Variants in CLIP1 observed in about 807,000 individuals in gnomAD.
CLIP1 encodes the protein CAP-Gly domain containing linker protein 1.
Under a neutral mutation model 161.6 loss-of-function variants are expected in CLIP1, and 66 were observed. That is an observed-to-expected ratio of 0.41 (90% CI 0.33 to 0.50). CLIP1 has a LOEUF of 0.50. CLIP1 is among the 20% of genes least tolerant of loss of function. The probability of loss-of-function intolerance (pLI) is 0.27; values close to 1 mark genes in which losing one functional copy is unlikely to be tolerated. For missense variants in CLIP1, 1,376 were observed against 1,702.0 expected (o/e 0.81, Z 3.37); for synonymous variants, 598 against 626.2 (o/e 0.96, Z 0.67).
At chr12:122,273,723 A>G (rs1314779166) in intron 25 of CLIP1, among the ~76,000 whole-genome samples, 2 of 151,900 alleles carry the variant, frequency 1.3e-5, no homozygotes, top group Non-Finnish European at 2.9e-5. Context: ...TGATGAAACT[A>G]AGGTTCCAAT....
At chr12:122,351,642 CA>C (rs1197082017) in intron 8 of CLIP1, among the ~76,000 whole-genome samples, 1 of 152,028 alleles carries the variant, frequency 6.6e-6, no homozygotes, top group Non-Finnish European at 1.5e-5. Context: ...AAAATTGTAG[CA>C]AAACTGCATA....
chr12:122,347,183 T>C (rs1209141426), intron 10 of CLIP1, among the ~76,000 whole-genome samples, 192 bp downstream of exon 10: 1 of 152,200 alleles, frequency 6.6e-6, no homozygotes, highest in Non-Finnish European at 1.5e-5. Context: ...AGTCTTTACT[T>C]TTGACAAAAG....
rs138029475 is a variant in CLIP1, at chr12:122,395,118, A to C, written c.-106-14560T>G. On this transcript the variant is annotated intron_variant, in intron 1 of 25. Transcript: ENST00000620786. ...AAACTGTTACTTTTTCACAGAAGAA[A>C]AAACTTTATGTTTATTTGCAGAAAA... Among the ~76,000 whole-genome samples the C allele has an allele frequency of 5.5e-3, 839 of 152,344 alleles. 5 individuals are homozygous for C. Among genetic ancestry groups the C allele is most frequent in the Admixed American group, 0.017 (262 of 15,284 alleles).
intron 3 of CLIP1, among the ~76,000 whole-genome samples, chr12:122,372,602 AC>A (rs1452663140): frequency 6.6e-6 from 1 of 151,938 alleles, no homozygotes; most frequent in Non-Finnish European, 1.5e-5. Flanking sequence ...AAAAAAAAAA[AC>A]AAAACTAAAA....
chr12:122,365,008 T>TCTC (rs112564325), intron 3 of CLIP1: 13,975 of 400,508 alleles, frequency 0.035, 1,693 homozygotes, highest in African/African-American at 0.27. Flanking sequence ...CACCGCATGT[T>TCTC]CTCACTCATA....
chr12:122,278,845 T>C lies in CLIP1; in HGVS notation c.3863A>G (p.Lys1288Arg), dbSNP rs1955535635. 1 of 1,612,032 alleles carries C rather than the reference T, an allele frequency of 6.2e-7. No homozygotes were observed. Among genetic ancestry groups the C allele is most frequent in the Non-Finnish European group, 8.5e-7 (1 of 1,179,412 alleles). ...TTCTTTGAGTTGAAGCTCCAAGTTC[T>C]TTACCTTGAGCTCGAGCTTCACCTT... ...SDKVKLELKVKNLELQLKENK... is the reference protein window; with the variant it reads ...SDKVKLELKVRNLELQLKENK... Residue 1288 changes from lysine to arginine, a missense_variant, in exon 23 of 26, where the codon AAG becomes AGG. By Grantham distance (26) the Lys-to-Arg change is conservative. Around this residue, in one of 6 missense-constraint regions of CLIP1, gnomAD observed 948 missense variants for 1,134.8 expected, o/e 0.84. Coordinates refer to ENST00000620786, the MANE Select transcript of CLIP1 (RefSeq NM_001247997.2).
At chr12:122,329,685 G>T (rs999386070) in intron 15 of CLIP1, among the ~76,000 whole-genome samples, 1 of 149,868 alleles carries the variant, frequency 6.7e-6, no homozygotes, top group East Asian at 1.9e-4. Flanking sequence ...TAAAGGAAAT[G>T]AATGTTTCAA....
intron 17 of CLIP1, among the ~76,000 whole-genome samples, chr12:122,324,938 A>T (rs1336987486): frequency 2.0e-5 from 3 of 152,112 alleles, no homozygotes; most frequent in African/African-American, 7.2e-5. Context: ...CTACAGCCTA[A>T]TTTCTAGGCT....
chr12:122,285,181 A>G (rs1425687848), intron 21 of CLIP1, among the ~76,000 whole-genome samples: 1 of 151,866 alleles, frequency 6.6e-6, no homozygotes, highest in Non-Finnish European at 1.5e-5. Context: ...AGATTAGATC[A>G]ATTTGTGAAT....
chr12:122,299,612 C>CAAAAA lies in CLIP1; in HGVS notation c.3594+10145_3594+10149dup, dbSNP rs71082962. 5.2e-3 allele frequency among the ~76,000 whole-genome samples: 325 copies of CAAAAA among 62,488 alleles called. 22 individuals carry two copies. Among genetic ancestry groups the CAAAAA allele is most frequent in the African/African-American group, 0.021 (296 of 14,322 alleles). The allele number at this position is 62,488 out of a possible 152,430, so 41.0% of individuals were successfully genotyped here. On this transcript the variant is annotated intron_variant, in intron 20 of 25. Transcript: ENST00000620786. ...TTTTGTTTTTAAAGAATAAATTCAG[C>CAAAAA]AAAAAAAAAAAAAAAAAAAAGATGC...
chr12:122,362,545 G>A (rs1953902761), intron 4 of CLIP1, among the ~76,000 whole-genome samples: 1 of 138,072 alleles, frequency 7.2e-6, no homozygotes, highest in African/African-American at 2.7e-5. Flanking sequence ...GGAGGCTGAA[G>A]CAGGAGAATC....
At chr12:122,359,300 G>A (rs568948062) in intron 5 of CLIP1, among the ~76,000 whole-genome samples, 1 of 152,282 alleles carries the variant, frequency 6.6e-6, no homozygotes, top group African/African-American at 2.4e-5. Flanking sequence ...ACTGAATGAG[G>A]TGAGCTAAGA....
chr12:122,340,244 C>T (rs1304020826), intron 11 of CLIP1, among the ~76,000 whole-genome samples: 1 of 152,010 alleles, frequency 6.6e-6, no homozygotes. Flanking sequence ...CCATGCCAGG[C>T]TAATTTTGTA....
At chr12:122,360,751 T>G in intron 5 of CLIP1, 1 of 525,064 alleles carries the variant, frequency 1.9e-6, no homozygotes, top group East Asian at 3.0e-5. Context: ...TGAAAGGGAC[T>G]ATTAAAAGCA....
In CLIP1 at chr12:122,371,909, A is replaced by G. The variant is rs551212136; in HGVS notation, c.657+5480T>C. Among the ~76,000 whole-genome samples, 5 of 152,356 alleles carry G rather than the reference A, an allele frequency of 3.3e-5. No individual in the cohort carries two copies. In the South Asian group the frequency reaches 8.3e-4, roughly 25 times the overall value. Reference sequence around the variant, plus strand: ...TAACGCAGCTTCTCTGCAGCAGCATAAGGGGCCATGTATTTCCCTCCTGGA... The same window carrying G: ...TAACGCAGCTTCTCTGCAGCAGCATGAGGGGCCATGTATTTCCCTCCTGGA... On this transcript the variant is annotated intron_variant, in intron 3 of 25. Transcript: ENST00000620786.
chr12:122,390,292 A>ATATG (rs1555280678), intron 1 of CLIP1, among the ~76,000 whole-genome samples: 4 of 132,838 alleles, frequency 3.0e-5, no homozygotes, highest in South Asian at 4.8e-4. Context: ...ATATATATAT[A>ATATG]TATATATATA....
chr12:122,327,833 C>A, intron 17 of CLIP1, 114 bp downstream of exon 17: 1 of 881,462 alleles, frequency 1.1e-6, no homozygotes, highest in Admixed American at 2.0e-5. Flanking sequence ...AGGGTAACGT[C>A]TGTAGAGGCC....
intron 9 of CLIP1, among the ~76,000 whole-genome samples, chr12:122,348,922 CATT>C (rs1952882563): frequency 2.0e-5 from 3 of 152,178 alleles, no homozygotes; most frequent in African/African-American, 7.2e-5. Context: ...GACCTCAATA[CATT>C]CAAGAGGTCA....
intron 11 of CLIP1, among the ~76,000 whole-genome samples, chr12:122,338,624 G>A (rs1952351152): frequency 6.6e-6 from 1 of 152,146 alleles, no homozygotes; most frequent in African/African-American, 2.4e-5. Flanking sequence ...GGCTGAGGCA[G>A]GAGAATCGCT....
Sources: gnomAD v4.1 joint callset for allele counts (sites outside exome capture counted in the v4.1 genomes callset) on GRCh38, gnomAD v4.1.1 for gene constraint, gnomAD v4.1.1 regional missense constraint, MANE v1.5 for transcripts, NCBI Gene and HGNC (gene_info 2026-07-23, HGNC 2026-07-21) for gene names.